Variants in KCNH1 observed in about 807,000 individuals in gnomAD.
The protein encoded by KCNH1 is potassium voltage-gated channel subfamily H member 1.
A neutral mutation model predicts 69.2 loss-of-function variants in KCNH1; 27 were observed. That is an observed-to-expected ratio of 0.39 (90% CI 0.29 to 0.54). KCNH1 has a LOEUF of 0.54. Ranked by LOEUF, KCNH1 falls within the 20% of genes least tolerant of loss-of-function variation. KCNH1 has a pLI of 0.68. For missense variants in KCNH1, 798 were observed against 1,261.6 expected (o/e 0.63, Z 5.57); for synonymous variants, 456 against 487.7 (o/e 0.93, Z 0.86).
intron 5 of KCNH1, among the ~76,000 whole-genome samples, chr1:211,074,474 C>T (rs540326426): frequency 4.3e-4 from 65 of 152,132 alleles, no homozygotes; most frequent in Non-Finnish European, 7.5e-4. Context: ...GGCATATTTT[C>T]CATTGTACGT....
intron 1 of KCNH1, among the ~76,000 whole-genome samples, chr1:211,124,368 A>C (rs1395531807): frequency 6.6e-6 from 1 of 152,052 alleles, no homozygotes; most frequent in Non-Finnish European, 1.5e-5. Context: ...ATGTTAAGAA[A>C]CCACTTTTGG....
intron 5 of KCNH1, among the ~76,000 whole-genome samples, chr1:211,078,917 C>CAAAAA (rs769981174): frequency 2.8e-3 from 228 of 82,468 alleles, no homozygotes; most frequent in East Asian, 9.7e-3. Flanking sequence ...GACTCCGTCT[C>CAAAAA]AAAAAAAAAA....
At position 211,133,744 on chromosome 1, in the gene KCNH1, G is replaced by T; in HGVS notation, c.79+123C>A. On this transcript the variant is annotated intron_variant, in intron 1 of 10. Transcript: ENST00000271751. The surrounding 1 kb of genome is among the most constrained non-coding windows in gnomAD (Gnocchi z 5.4). Reference sequence around the variant, plus strand: ...CGGGGAGGCTGCCCTGGGTGCCCGCGCCGCGGCTCCTTAGCAGAGCTCGCG... The same window carrying T: ...CGGGGAGGCTGCCCTGGGTGCCCGCTCCGCGGCTCCTTAGCAGAGCTCGCG... The T allele has an allele frequency of 1.2e-6, 1 of 814,140 alleles. No individual in the cohort carries two copies. The highest frequency in any genetic ancestry group is 1.8e-5 in the African/African-American group (1 of 56,166). The allele number at this position is 814,140 out of a possible 1,614,324, so 50.4% of individuals were successfully genotyped here.
At chr1:210,894,867 C>T (rs1223313873) in intron 7 of KCNH1, among the ~76,000 whole-genome samples, 1 of 152,096 alleles carries the variant, frequency 6.6e-6, no homozygotes, top group Non-Finnish European at 1.5e-5. Context: ...TTAAATTATC[C>T]AGTCTGTGTG....
chr1:210,748,213 G>A (rs1683204103), intron 10 of KCNH1, among the ~76,000 whole-genome samples: 1 of 152,204 alleles, frequency 6.6e-6, no homozygotes, highest in African/African-American at 2.4e-5. Flanking sequence ...CCTCCCCAGG[G>A]CGTGACGCAG....
chr1:210,757,702 T>G (rs1385624061), intron 10 of KCNH1, among the ~76,000 whole-genome samples: 1 of 152,234 alleles, frequency 6.6e-6, no homozygotes, highest in African/African-American at 2.4e-5. Flanking sequence ...AGTGGTACCA[T>G]AGCAGAGCCA....
chr1:211,049,129 A>G (rs76337501), intron 5 of KCNH1, among the ~76,000 whole-genome samples: 7,341 of 152,294 alleles, frequency 0.048, 270 homozygotes, highest in Non-Finnish European at 0.07. Flanking sequence ...TCTGATGGAG[A>G]GCTGGACATG....
At chr1:210,952,849 G>T (rs532406949) in intron 6 of KCNH1, among the ~76,000 whole-genome samples, 1 of 152,240 alleles carries the variant, frequency 6.6e-6, no homozygotes, top group South Asian at 2.1e-4. Flanking sequence ...GAATATTATT[G>T]GTGTCTCTAC....
At chr1:211,092,929 T>G (rs991522857) in intron 3 of KCNH1, among the ~76,000 whole-genome samples, 11 of 152,132 alleles carry the variant, frequency 7.2e-5, no homozygotes, top group African/African-American at 2.7e-4. Flanking sequence ...ATTTAAACTG[T>G]GTCTCTGTTG....
intron 5 of KCNH1, among the ~76,000 whole-genome samples, chr1:211,035,140 C>T (rs12118930): frequency 0.098 from 14,765 of 151,006 alleles, 899 homozygotes; most frequent in East Asian, 0.25. Flanking sequence ...CAGCACTAGG[C>T]TAGAGAGGGA....
intron 5 of KCNH1, among the ~76,000 whole-genome samples, chr1:211,037,738 A>C (rs1689923607): frequency 6.6e-6 from 1 of 152,024 alleles, no homozygotes; most frequent in Admixed American, 6.6e-5. Flanking sequence ...ACCTAACTAG[A>C]GTAGGAGAGC....
chr1:210,913,832 A>G (rs567092258), intron 7 of KCNH1, among the ~76,000 whole-genome samples: 166 of 152,332 alleles, frequency 1.1e-3, no homozygotes, highest in African/African-American at 3.8e-3. Context: ...CTATATTTCT[A>G]TATTTCCAAG....
intron 10 of KCNH1, among the ~76,000 whole-genome samples, chr1:210,686,483 T>C (rs1681411128): frequency 6.6e-6 from 1 of 152,156 alleles, no homozygotes; most frequent in Non-Finnish European, 1.5e-5. Context: ...TATCTATTTG[T>C]AGTAGGGAGG....
intron 5 of KCNH1, among the ~76,000 whole-genome samples, chr1:211,022,671 C>T (rs187426011): frequency 6.6e-6 from 1 of 152,122 alleles, no homozygotes; most frequent in African/African-American, 2.4e-5. Flanking sequence ...ATCTGAATAG[C>T]TATTTATCAA....
intron 7 of KCNH1, among the ~76,000 whole-genome samples, chr1:210,888,235 G>T (rs1339402007): frequency 7.2e-5 from 11 of 152,064 alleles, no homozygotes; most frequent in Admixed American, 7.2e-4. Flanking sequence ...AATCAAATTA[G>T]AACTCAGGAT....
At chr1:211,004,580 G>A (rs1689243855) in intron 6 of KCNH1, among the ~76,000 whole-genome samples, 1 of 151,942 alleles carries the variant, frequency 6.6e-6, no homozygotes, top group South Asian at 2.1e-4. Flanking sequence ...GAAGATAAAA[G>A]AGGAGAGGAG....
At chr1:210,982,389 T>G (rs1296986393) in intron 6 of KCNH1, among the ~76,000 whole-genome samples, 1 of 152,044 alleles carries the variant, frequency 6.6e-6, no homozygotes, top group African/African-American at 2.4e-5. Context: ...CATTTAGCAT[T>G]AGGTATATCT....
At chr1:211,076,863 A>C (rs1194358163) in intron 5 of KCNH1, among the ~76,000 whole-genome samples, 1 of 152,266 alleles carries the variant, frequency 6.6e-6, no homozygotes, top group African/African-American at 2.4e-5. Flanking sequence ...AAACCTTGAA[A>C]AAAGATTAGA....
Position 210,683,301 on chromosome 1 carries a change from C to G in KCNH1, c.2950G>C (p.Asp984His), listed in dbSNP as rs374239901. The change falls in exon 11 of 11, where the codon GAC becomes CAC. Residue 984 changes from aspartate (D) to histidine (H), a missense_variant. Physicochemically the swap from Asp to His is moderately conservative, Grantham distance 81. This residue lies in a region of KCNH1 where 331 missense variants were observed against 363.2 expected (regional missense o/e 0.91). Coordinates refer to ENST00000271751, the MANE Select transcript of KCNH1 (RefSeq NM_172362.3). This position sits in a 1 kb window ranked among gnomAD's most constrained non-coding sequence, Gnocchi z 5.7. ...SRPQSPESER[D>H]IFGAS ...ACCTCTCAGCTGGCTCCAAAAATGT[C>G]TCTCTCTGATTCTGGGGACTGTGGC... 32 of 1,613,106 alleles carry G rather than the reference C, an allele frequency of 2.0e-5. No individual in the cohort carries two copies. Among genetic ancestry groups the G allele is most frequent in the African/African-American group, 6.7e-5 (5 of 74,752 alleles).
Sources: gnomAD v4.1 joint callset for allele counts (sites outside exome capture counted in the v4.1 genomes callset) on GRCh38, gnomAD v4.1.1 for gene constraint, gnomAD v4.1.1 regional missense constraint, Gnocchi (gnomAD v3.1) non-coding constraint, MANE v1.5 for transcripts, NCBI Gene and HGNC (gene_info 2026-07-23, HGNC 2026-07-21) for gene names.